The following INTS14 variants were observed in gnomAD, a reference collection of about 807,000 sequenced individuals.
INTS14 encodes UPF0464 protein C15orf44.
INTS14 carries 27 observed loss-of-function variants against 56.9 expected under a neutral mutation model. The ratio of observed to expected loss-of-function variants is 0.47; its 90% CI spans 0.35 to 0.65. The LOEUF (loss-of-function observed/expected upper bound fraction) is 0.65. Ranked by LOEUF, INTS14 falls within the 30% of genes least tolerant of loss-of-function variation. The pLI, the probability that INTS14 is intolerant of heterozygous loss-of-function variation, is 0.00. For missense variants in INTS14, 517 were observed against 632.2 expected (o/e 0.82, Z 1.95); for synonymous variants, 207 against 236.2 (o/e 0.88, Z 1.13).
At position 65,607,179 on chromosome 15, in the gene INTS14, T is replaced by C. The variant is rs1330467906; in HGVS notation, c.202A>G (p.Arg68Gly). The C allele has an allele frequency of 6.2e-7, 1 of 1,614,188 alleles. No homozygotes were observed. The highest frequency in any genetic ancestry group is 8.5e-7 in the Non-Finnish European group (1 of 1,180,034). The stretch of plus-strand genomic sequence containing the variant: ...TGTACCTGTAGGGTATTATAATCTC[T>C]CGTGAAGGGGACCATCAACTCCCAA... ...SLWELMVPFT[R>G]DYNTLQEALS... is the part of the protein sequence containing the mutation. The change falls in exon 2 of 12, where the codon AGA becomes GGA. Residue 68 changes from arginine to glycine, a missense_variant. Arg to Gly is a moderately radical substitution (Grantham distance 125). Coordinates refer to ENST00000313182, the MANE Select transcript of INTS14 (RefSeq NM_001394796.1).
At chr15:65,611,059 AGCG>A (rs2073921722) in intron 1 of INTS14, 36 bp downstream of exon 1, 1 of 1,535,372 alleles carries the variant, frequency 6.5e-7, no homozygotes, top group African/African-American at 1.4e-5. Context: ...CCCAACAAGC[AGCG>A]AAAGGCAGTC....
In INTS14 at chr15:65,599,120, T is replaced by G; in HGVS notation, c.487-130A>C. ...CAGATGATTTTTTTAATAGCCAATG[T>G]GAGAAGAAAATAACAACAACAATTT... On this transcript the variant is annotated intron_variant, in intron 4 of 11. Transcript: ENST00000313182. The G allele has an allele frequency of 4.8e-6, 3 of 627,308 alleles. No homozygotes were observed. In the Middle Eastern group the frequency reaches 7.9e-4, roughly 164 times the overall value. 38.9% of individuals were successfully genotyped at this position (627,308 alleles called of 1,614,324 possible).
intron 11 of INTS14, among the ~76,000 whole-genome samples, chr15:65,580,424 A>G (rs1328408715): frequency 6.6e-6 from 1 of 152,166 alleles, no homozygotes; most frequent in African/African-American, 2.4e-5. Flanking sequence ...AAGGCCAAAC[A>G]AGTGTGTCAT....
At chr15:65,597,807 C>G (rs1405729896) in intron 6 of INTS14, among the ~76,000 whole-genome samples, 1 of 152,158 alleles carries the variant, frequency 6.6e-6, no homozygotes, top group Non-Finnish European at 1.5e-5. Context: ...GATTTCAATG[C>G]TAGTGAATAC....
chr15:65,607,115 T>A, intron 2 of INTS14, 44 bp downstream of exon 2: 3 of 1,598,436 alleles, frequency 1.9e-6, no homozygotes, highest in East Asian at 4.5e-5. Flanking sequence ...TTCCTCCCAA[T>A]AAATTTAGGC....
chr15:65,607,724 C>T (rs1265172058), intron 1 of INTS14, among the ~76,000 whole-genome samples: 2 of 152,136 alleles, frequency 1.3e-5, no homozygotes, highest in Non-Finnish European at 2.9e-5. Flanking sequence ...AACTTTCACA[C>T]ATTCGACTTT....
intron 8 of INTS14, 131 bp downstream of exon 8, chr15:65,593,297 A>T: frequency 8.6e-7 from 1 of 1,160,850 alleles, no homozygotes; most frequent in Non-Finnish European, 1.2e-6. Context: ...AGCAGGTGGG[A>T]AAAGTGTGTG....
chr15:65,609,660 C>A (rs965271593), intron 1 of INTS14, among the ~76,000 whole-genome samples: 3 of 152,106 alleles, frequency 2.0e-5, no homozygotes, highest in Non-Finnish European at 1.5e-5. Flanking sequence ...AACACATTTC[C>A]TCTTCTCCTC....
At position 65,611,088 on chromosome 15, in the gene INTS14, C is replaced by G. The variant is rs1351702142; in HGVS notation, c.-63+10G>C. On this transcript the variant is annotated intron_variant, in intron 1 of 11. Transcript: ENST00000313182. The stretch of plus-strand genomic sequence containing the variant: ...AAAGGCAGTCCCGGGCCCTCGGCCT[C>G]CCCACTCACCCCGTGCCCATCGCCG... The G allele has an allele frequency of 2.0e-6, 3 of 1,535,614 alleles. No homozygotes were observed. Among genetic ancestry groups the G allele is most frequent in the African/African-American group, 1.4e-5 (1 of 73,028 alleles).
At chr15:65,581,042 G>A (rs1284771956) in intron 11 of INTS14, among the ~76,000 whole-genome samples, 3 of 151,850 alleles carry the variant, frequency 2.0e-5, no homozygotes, top group South Asian at 2.1e-4. Flanking sequence ...TCAGGAGTTC[G>A]GGACCAGCCT....
At position 65,609,031 on chromosome 15, in the gene INTS14, GGGACTACAGGCGCGAGTAGCCA is replaced by G. The variant is rs1162888506; in HGVS notation, c.-62-1611_-62-1590del. On this transcript the variant is annotated intron_variant, in intron 1 of 11. Transcript: ENST00000313182. ...TCCTGCCTCAGCCTCCCGAGTAGCC[GGGACTACAGGCGCGAGTAGCCA>G]GGACTACAGGCGCGTGTCACCACAC... is the stretch of plus-strand genomic sequence containing the variant. Among the ~76,000 whole-genome samples the G allele has an allele frequency of 4.6e-5, 7 of 152,118 alleles. No individual in the cohort carries two copies. The East Asian group carries it at 5.8e-4, about 13-fold the overall frequency.
At chr15:65,594,301 T>C (rs991857944) in intron 7 of INTS14, among the ~76,000 whole-genome samples, 1 of 152,204 alleles carries the variant, frequency 6.6e-6, no homozygotes, top group Non-Finnish European at 1.5e-5. Flanking sequence ...AAAGACTTTC[T>C]AATTCAACAG....
At chr15:65,599,478 A>C (rs1255564949) in intron 4 of INTS14, 2 of 226,978 alleles carry the variant, frequency 8.8e-6, no homozygotes, top group Non-Finnish European at 1.7e-5. Context: ...TGGAATGGAC[A>C]TAAGAATTCT....
At chr15:65,600,435 C>T (rs566132417) in intron 3 of INTS14, among the ~76,000 whole-genome samples, 1 of 152,244 alleles carries the variant, frequency 6.6e-6, no homozygotes, top group South Asian at 2.1e-4. Flanking sequence ...TCAAGACCAG[C>T]CTAGGCAACA....
chr15:65,593,602 T>C, intron 7 of INTS14, 30 bp from the exon 8 acceptor site: 1 of 1,597,880 alleles, frequency 6.3e-7, no homozygotes, highest in Non-Finnish European at 8.5e-7. Context: ...CAGGTCAGAC[T>C]GAAATTACCT....
intron 8 of INTS14, among the ~76,000 whole-genome samples, chr15:65,592,713 A>T (rs2073072361): frequency 6.6e-6 from 1 of 152,234 alleles, no homozygotes; most frequent in African/African-American, 2.4e-5. Flanking sequence ...TGCCTGGCAC[A>T]TAATAAAATG....
At chr15:65,599,281 C>T (rs1420481880) in intron 4 of INTS14, 2 of 243,680 alleles carry the variant, frequency 8.2e-6, no homozygotes, top group East Asian at 8.7e-5. Flanking sequence ...GTGTTTCTAA[C>T]GTCTTTTGGT....
chr15:65,610,679 G>T (rs780004065), intron 1 of INTS14: 1 of 1,535,600 alleles, frequency 6.5e-7, no homozygotes, highest in South Asian at 1.2e-5. Context: ...AATTTCTAGT[G>T]CCTCACCTGC....
intron 2 of INTS14, among the ~76,000 whole-genome samples, chr15:65,606,928 C>A (rs2073675353): frequency 6.6e-6 from 1 of 151,992 alleles, no homozygotes; most frequent in Non-Finnish European, 1.5e-5. Context: ...TTCCAGAAAA[C>A]CAAGAGAGGA....
Sources: allele counts gnomAD v4.1 joint callset (sites outside exome capture counted in the v4.1 genomes callset), GRCh38; gene constraint gnomAD v4.1.1; transcripts MANE v1.5; gene names NCBI Gene and HGNC (gene_info 2026-07-23, HGNC 2026-07-21).